The following FSTL5 variants were observed in gnomAD, a reference collection of about 807,000 sequenced individuals.
The protein encoded by FSTL5 is follistatin like 5, also known as follistatin-related protein 5.
FSTL5 carries 62 observed loss-of-function variants against 89.1 expected under a neutral mutation model. The ratio of observed to expected loss-of-function variants is 0.70; its 90% CI spans 0.57 to 0.86. The LOEUF is 0.86. Among genes scored for constraint, FSTL5 ranks in the 40% least tolerant of loss-of-function variants. The pLI is 0.00. For synonymous variants in FSTL5, 383 were observed against 346.2 expected (o/e 1.11, Z -1.18); for missense variants, 1,057 against 1,001.6 (o/e 1.06, Z -0.75).
At chr4:161,598,510 T>C (rs903205554) in intron 7 of FSTL5, among the ~76,000 whole-genome samples, 1 of 152,098 alleles carries the variant, frequency 6.6e-6, no homozygotes, top group Non-Finnish European at 1.5e-5. Context: ...AAAACAAAGA[T>C]GATTTGCCTC....
At chr4:161,410,420 T>C (rs1028380206) in intron 15 of FSTL5, among the ~76,000 whole-genome samples, 2 of 152,222 alleles carry the variant, frequency 1.3e-5, no homozygotes, top group Non-Finnish European at 2.9e-5. Flanking sequence ...TCACAGAGTA[T>C]ACATTTTTCG....
intron 6 of FSTL5, among the ~76,000 whole-genome samples, chr4:161,750,010 G>T (rs552720991): frequency 6.6e-4 from 101 of 151,880 alleles, no homozygotes; most frequent in Middle Eastern, 3.4e-3. Flanking sequence ...AATACAATAC[G>T]ATAAATACAT....
chr4:162,076,821 A>T (rs569157096), intron 2 of FSTL5, among the ~76,000 whole-genome samples: 9 of 151,986 alleles, frequency 5.9e-5, no homozygotes, highest in African/African-American at 2.2e-4. Context: ...CACGGGGCTG[A>T]TGTATCAAAA....
intron 3 of FSTL5, among the ~76,000 whole-genome samples, chr4:161,977,633 AAAAAAAAATAAT>A (rs1272461500): frequency 3.6e-5 from 4 of 112,534 alleles, no homozygotes; most frequent in African/African-American, 1.5e-4. Flanking sequence ...AAAAAAAAAA[AAAAAAAAATAAT>A]AATAATAATA....
intron 15 of FSTL5, among the ~76,000 whole-genome samples, chr4:161,421,558 AT>A (rs1731993095): frequency 6.6e-6 from 1 of 152,124 alleles, no homozygotes; most frequent in Non-Finnish European, 1.5e-5. Context: ...TGGACCTGTG[AT>A]GCTTAATTTT....
chr4:161,765,442 T>G (rs1176126095), intron 5 of FSTL5, among the ~76,000 whole-genome samples: 1 of 152,208 alleles, frequency 6.6e-6, no homozygotes, highest in African/African-American at 2.4e-5. Flanking sequence ...TCAGAACCTT[T>G]TTACAAATAC....
chr4:161,860,891 T>C (rs1433329569), intron 4 of FSTL5, among the ~76,000 whole-genome samples: 1 of 151,942 alleles, frequency 6.6e-6, no homozygotes, highest in East Asian at 1.9e-4. Flanking sequence ...TCTCCCTCTC[T>C]CTCTTTTCAC....
intron 3 of FSTL5, among the ~76,000 whole-genome samples, chr4:161,983,676 C>A (rs978684203): frequency 1.3e-5 from 2 of 152,100 alleles, no homozygotes; most frequent in Admixed American, 1.3e-4. Context: ...AAGACCAGGA[C>A]ACTCATTTAT....
intron 4 of FSTL5, among the ~76,000 whole-genome samples, chr4:161,825,150 CAT>C (rs1428751998): frequency 3.3e-5 from 5 of 152,106 alleles, no homozygotes; most frequent in African/African-American, 9.7e-5. Context: ...TTGAGATAAA[CAT>C]GTGATTTTTG....
At chr4:161,458,355 GATCC>G (rs1733438133) in intron 14 of FSTL5, among the ~76,000 whole-genome samples, 1 of 152,068 alleles carries the variant, frequency 6.6e-6, no homozygotes, top group Non-Finnish European at 1.5e-5. Flanking sequence ...AATATAAAAT[GATCC>G]ATCATTATGC....
chr4:161,868,939 AG>A (rs1203957084), intron 4 of FSTL5, among the ~76,000 whole-genome samples: 1 of 152,202 alleles, frequency 6.6e-6, no homozygotes, highest in Admixed American at 6.5e-5. Flanking sequence ...AGATAACAAA[AG>A]GCCAGGCTCG....
At chr4:161,688,584 G>A (rs1302598778) in intron 6 of FSTL5, among the ~76,000 whole-genome samples, 2 of 151,832 alleles carry the variant, frequency 1.3e-5, no homozygotes, top group Non-Finnish European at 2.9e-5. Context: ...AAGAGATTAG[G>A]GCCATTTATA....
At chr4:161,621,375 C>A (rs1389714360) in intron 7 of FSTL5, among the ~76,000 whole-genome samples, 1 of 151,464 alleles carries the variant, frequency 6.6e-6, no homozygotes, top group African/African-American at 2.4e-5. Flanking sequence ...ACTAAATAAT[C>A]ATTGAAATAT....
intron 7 of FSTL5, among the ~76,000 whole-genome samples, chr4:161,628,036 C>G (rs567981517): frequency 4.3e-4 from 66 of 152,244 alleles, no homozygotes; most frequent in African/African-American, 1.6e-3. Flanking sequence ...ACAAATCTAG[C>G]TTTTAATTCT....
chr4:161,980,463 A>C (rs1735794869), intron 3 of FSTL5, among the ~76,000 whole-genome samples: 1 of 152,076 alleles, frequency 6.6e-6, no homozygotes, highest in Non-Finnish European at 1.5e-5. Flanking sequence ...CTTATTCATA[A>C]ATACAGCAGT....
At chr4:161,838,892 C>T (rs980927154) in intron 4 of FSTL5, among the ~76,000 whole-genome samples, 22 of 145,146 alleles carry the variant, frequency 1.5e-4, no homozygotes, top group Admixed American at 6.8e-4. Flanking sequence ...TTACTCTGAA[C>T]GCAATGGAAT....
chr4:161,572,366 AAAG>A (rs964993095), intron 8 of FSTL5, among the ~76,000 whole-genome samples: 15 of 151,282 alleles, frequency 9.9e-5, no homozygotes, highest in African/African-American at 2.4e-4. Flanking sequence ...AGAGAAAGAG[AAAG>A]AAGAAGAATG....
intron 4 of FSTL5, among the ~76,000 whole-genome samples, chr4:161,806,402 T>C (rs961519595): frequency 4.6e-5 from 7 of 151,980 alleles, no homozygotes; most frequent in African/African-American, 9.7e-5. Flanking sequence ...AGCACTCTAA[T>C]AAGGATCAAG....
At chr4:161,836,941 G>A (rs1481639861) in intron 4 of FSTL5, among the ~76,000 whole-genome samples, 1 of 152,010 alleles carries the variant, frequency 6.6e-6, no homozygotes, top group Non-Finnish European at 1.5e-5. Flanking sequence ...GAATAGTTTT[G>A]TGAAATGGTA....
Sources: allele counts gnomAD v4.1 joint callset (sites outside exome capture counted in the v4.1 genomes callset), GRCh38; gene constraint gnomAD v4.1.1; transcripts MANE v1.5; gene names NCBI Gene and HGNC (gene_info 2026-07-23, HGNC 2026-07-21).